CNTRL: variants seen among roughly 807,000 people sequenced by gnomAD.
The protein encoded by CNTRL is 110 kDa centrosomal protein.
Under a neutral mutation model 303.7 loss-of-function variants are expected in CNTRL, and 233 were observed. That is an observed-to-expected ratio of 0.77 (90% CI 0.69 to 0.86). CNTRL has a LOEUF of 0.86. Among genes scored for constraint, CNTRL ranks in the 40% least tolerant of loss-of-function variants. CNTRL has a pLI of 0.00. For synonymous variants in CNTRL, 900 were observed against 922.2 expected (o/e 0.98, Z 0.44); for missense variants, 2,524 against 2,650.6 (o/e 0.95, Z 1.05).
In CNTRL at chr9:121,177,391, T is replaced by C; in HGVS notation, c.*205T>C. 2.3e-6 allele frequency: 1 copy of C among 436,078 alleles called. No homozygotes were observed. The highest frequency in any genetic ancestry group is 4.4e-5 in the Admixed American group (1 of 22,926). 27.0% of individuals were successfully genotyped at this position (436,078 alleles called of 1,614,324 possible). ...TAGTACATATGGGAATAGTTGCATATGGGAATTTAAACCAACATGTGGCTG... is the reference window on the plus strand; with the variant it reads ...TAGTACATATGGGAATAGTTGCATACGGGAATTTAAACCAACATGTGGCTG... On this transcript the variant is annotated 3_prime_UTR_variant, in exon 44 of 44. Coordinates refer to ENST00000373855, the MANE Select transcript of CNTRL (RefSeq NM_007018.6).
At chr9:121,135,473 T>G (rs1344789044) in intron 14 of CNTRL, among the ~76,000 whole-genome samples, 2 of 152,226 alleles carry the variant, frequency 1.3e-5, no homozygotes, top group Non-Finnish European at 2.9e-5. Context: ...CAACATCAGA[T>G]GAAAAATAAG....
chr9:121,175,853 A>G (rs931933270), intron 43 of CNTRL, among the ~76,000 whole-genome samples: 12 of 152,218 alleles, frequency 7.9e-5, no homozygotes, highest in African/African-American at 2.7e-4. Flanking sequence ...TAAAGAGCTT[A>G]GACCTGTGAG....
chr9:121,123,223 GT>G (rs1257245076), intron 12 of CNTRL, among the ~76,000 whole-genome samples: 7 of 152,108 alleles, frequency 4.6e-5, no homozygotes, highest in Non-Finnish European at 8.8e-5. Context: ...TTGGGATATA[GT>G]TTTTAAGTCT....
Position 121,154,854 on chromosome 9 carries a change from A to T in CNTRL, c.4306A>T (p.Arg1436Trp). The T allele has an allele frequency of 6.2e-7, 1 of 1,614,214 alleles. No homozygotes were observed. Among genetic ancestry groups the T allele is most frequent in the Non-Finnish European group, 8.5e-7 (1 of 1,179,998 alleles). Residue 1436 changes from arginine (R) to tryptophan (W), a missense_variant, in exon 27 of 44, where the codon AGG becomes TGG. Coordinates refer to ENST00000373855, the MANE Select transcript of CNTRL (RefSeq NM_007018.6). ...KTLLKRRSEL[R>W]EADRLLAEAE... ...TCTTCTGAAACGTCGCTCAGAGCTC[A>T]GGGAAGCTGACCGACTCCTGGCAGA...
At position 121,144,846 on chromosome 9, in the gene CNTRL, T is replaced by C; in HGVS notation, c.3055T>C (p.Leu1019=). ...TCTCATACTTCTGTCCCAGTAGGAGTTGCAGGAAGCAGAGAGGTTCAGCAG... is the reference window on the plus strand; with the variant it reads ...TCTCATACTTCTGTCCCAGTAGGAGCTGCAGGAAGCAGAGAGGTTCAGCAG... ...MKINQERAEE[L]QEAERFSRKA... is the part of the protein sequence containing the mutation. Residue 1019 remains leucine, a synonymous_variant, in exon 21 of 44, where the codon TTG becomes CTG. Transcript: ENST00000373855. 6.2e-7 allele frequency: 1 copy of C among 1,612,204 alleles called. No homozygotes were observed. Among genetic ancestry groups the C allele is most frequent in the Non-Finnish European group, 8.5e-7 (1 of 1,179,232 alleles).
At position 121,113,660 on chromosome 9, in the gene CNTRL, G is replaced by A. The variant is rs765875810; in HGVS notation, c.1281G>A (p.Met427Ile). The A allele has an allele frequency of 3.1e-6, 5 of 1,603,542 alleles. No individual in the cohort carries two copies. Among genetic ancestry groups the A allele is most frequent in the Admixed American group, 1.7e-5 (1 of 57,682 alleles). Residue 427 changes from methionine (M) to isoleucine (I), a missense_variant, in exon 10 of 44, where the codon ATG becomes ATA. Physicochemically the swap from Met to Ile is conservative, Grantham distance 10. Transcript: ENST00000373855. ...ATGAACAACTTAGAAATGATCACAT[G>A]AACTTGAGAGGCCACACACCACTGG... ...EPDEQLRNDH[M>I]NLRGHTPLDT...
In CNTRL at chr9:121,112,554, G is replaced by A. The variant is rs372873700; in HGVS notation, c.1098G>A (p.Glu366=). 1.4e-5 allele frequency: 23 copies of A among 1,612,334 alleles called. No individual in the cohort carries two copies. The highest frequency in any genetic ancestry group is 2.0e-5 in the Non-Finnish European group (23 of 1,178,776). ...LAFYKIDAKF[E]PLNYYPSEYA... ...TTTATAAAATTGATGCTAAATTTGAGCCACTAAATTATTATCCATCAGAGG... is the reference window on the plus strand; with the variant it reads ...TTTATAAAATTGATGCTAAATTTGAACCACTAAATTATTATCCATCAGAGG... Residue 366 remains glutamate, a synonymous_variant, in exon 9 of 44, where the codon GAG becomes GAA. Transcript: ENST00000373855.
intron 27 of CNTRL, among the ~76,000 whole-genome samples, chr9:121,156,757 T>TA (rs11459130): frequency 0.68 from 102,709 of 151,750 alleles, 35,483 homozygotes; most frequent in East Asian, 0.96. Context: ...CCAAGTTGAT[T>TA]AAAACAAATG....
chr9:121,124,656 G>T (rs538755084), intron 13 of CNTRL, among the ~76,000 whole-genome samples: 2 of 151,998 alleles, frequency 1.3e-5, no homozygotes, highest in African/African-American at 4.8e-5. Context: ...AGTATTCATA[G>T]GCCAGGAGTG....
At chr9:121,158,760 C>T (rs781473258) in intron 30 of CNTRL, 95 bp from the exon 31 acceptor site, 61 of 1,183,730 alleles carry the variant, frequency 5.2e-5, no homozygotes, top group Non-Finnish European at 6.9e-5. Context: ...AGGATATTAG[C>T]TCCTGATTTT....
At chr9:121,125,488 G>A (rs1234635861) in intron 13 of CNTRL, among the ~76,000 whole-genome samples, 1 of 151,946 alleles carries the variant, frequency 6.6e-6, no homozygotes, top group African/African-American at 2.4e-5. Flanking sequence ...CATGAATCAG[G>A]CATTTTATAA....
At chr9:121,128,668 G>A (rs1383935103) in intron 14 of CNTRL, among the ~76,000 whole-genome samples, 2 of 152,212 alleles carry the variant, frequency 1.3e-5, no homozygotes, top group East Asian at 3.9e-4. Context: ...TGTCTATTTT[G>A]GCTTTTGTTG....
At chr9:121,157,369 G>T (rs1192253321) in intron 27 of CNTRL, 101 bp from the exon 28 acceptor site, 2 of 1,203,888 alleles carry the variant, frequency 1.7e-6, no homozygotes, top group Non-Finnish European at 2.3e-6. Flanking sequence ...ATGTCTTTCT[G>T]TACCATCTTG....
At chr9:121,109,571 G>GA (rs2049650552) in intron 8 of CNTRL, among the ~76,000 whole-genome samples, 1 of 114,706 alleles carries the variant, frequency 8.7e-6, no homozygotes, top group Non-Finnish European at 2.0e-5. Flanking sequence ...GTACTACAGA[G>GA]AAAATCTGTG....
chr9:121,079,687 G>A (rs924936714), intron 1 of CNTRL, among the ~76,000 whole-genome samples: 1 of 152,032 alleles, frequency 6.6e-6, no homozygotes, highest in African/African-American at 2.4e-5. Flanking sequence ...TAGTGAATGA[G>A]GCTATTGGAA....
At position 121,159,098 on chromosome 9, in the gene CNTRL, C is replaced by T. The variant is rs1391735588; in HGVS notation, c.4929+79C>T. The T allele has an allele frequency of 7.4e-6, 10 of 1,345,968 alleles. No homozygotes were observed. The East Asian group carries it at 1.2e-4, about 16-fold the overall frequency. 83.4% of individuals were successfully genotyped at this position (1,345,968 alleles called of 1,614,324 possible). ...ACTTTGATGTATTTTCATTGCTTCTCCCCAAATGAAAATATAAATTCCTGA... is the reference window on the plus strand; with the variant it reads ...ACTTTGATGTATTTTCATTGCTTCTTCCCAAATGAAAATATAAATTCCTGA... On this transcript the variant is annotated intron_variant, in intron 31 of 43. Coordinates refer to ENST00000373855, the MANE Select transcript of CNTRL (RefSeq NM_007018.6).
intron 20 of CNTRL, 150 bp from the exon 21 acceptor site, chr9:121,144,693 A>T: frequency 4.4e-6 from 3 of 678,396 alleles, no homozygotes; most frequent in Non-Finnish European, 8.0e-6. Context: ...CAATGGGAAC[A>T]ACACAGGAGA....
At chr9:121,146,503 A>G (rs1362552620) in intron 23 of CNTRL, among the ~76,000 whole-genome samples, 3 of 152,184 alleles carry the variant, frequency 2.0e-5, no homozygotes, top group African/African-American at 7.2e-5. Context: ...CTAAGGAGAA[A>G]AGGTGATTTG....
In CNTRL at chr9:121,160,218, C is replaced by G; in HGVS notation, c.5005C>G (p.Gln1669Glu). 1 of 1,564,288 alleles carries G rather than the reference C, an allele frequency of 6.4e-7. No individual in the cohort carries two copies. Among genetic ancestry groups the G allele is most frequent in the Middle Eastern group, 1.7e-4 (1 of 5,904 alleles). ...LNVQISERKT[Q>E]LTLIKQEIEK... The stretch of plus-strand genomic sequence containing the variant: ...TGTTCAGATTAGTGAAAGAAAAACT[C>G]AACTTACACTTATAAAGCAGGAAAT... The change falls in exon 32 of 44, where the codon CAA (glutamine) becomes GAA (glutamate). Residue 1669 changes from glutamine to glutamate, a missense_variant. Physicochemically the swap from Gln to Glu is conservative, Grantham distance 29. Transcript: ENST00000373855.
Sources: gnomAD v4.1 joint callset for allele counts (sites outside exome capture counted in the v4.1 genomes callset) on GRCh38, gnomAD v4.1.1 for gene constraint, MANE v1.5 for transcripts, NCBI Gene and HGNC (gene_info 2026-07-23, HGNC 2026-07-21) for gene names.